Variants in NUP210 observed in about 807,000 individuals in gnomAD.
NUP210 encodes nucleoporin 210, also known as nuclear pore membrane glycoprotein 210.
Under a neutral mutation model 196.0 loss-of-function variants are expected in NUP210, and 151 were observed. The observed-to-expected ratio is 0.77, with a 90% CI of 0.67 to 0.88. NUP210 has a LOEUF of 0.88. Ranked by LOEUF, NUP210 falls within the 40% of genes least tolerant of loss-of-function variation. NUP210 has a pLI of 0.00. For synonymous variants in NUP210, 1,070 were observed against 1,052.7 expected (o/e 1.02, Z -0.32); for missense variants, 2,314 against 2,493.7 (o/e 0.93, Z 1.53).
chr3:13,330,598 A>G lies in NUP210; in HGVS notation c.3972T>C (p.Asp1324=), dbSNP rs769177604. ...GAASLSYRVL[D]GPEKVPVVHV... ...GCACAACTGGAACCTTTTCGGGTCCATCCAGGACGCGGTAGCTCAGAGAGG... is the reference window on the plus strand; with the variant it reads ...GCACAACTGGAACCTTTTCGGGTCCGTCCAGGACGCGGTAGCTCAGAGAGG... The change falls in exon 30 of 40, where the codon GAT becomes GAC. Residue 1324 remains aspartate, a synonymous_variant. Transcript: ENST00000254508. 2 of 1,614,206 alleles carry G rather than the reference A, an allele frequency of 1.2e-6. No individual in the cohort carries two copies. Among genetic ancestry groups the G allele is most frequent in the East Asian group, 2.2e-5 (1 of 44,882 alleles).
rs1699270787 is a variant in NUP210 at position 13,386,281 on chromosome 3, T to G, written c.811A>C (p.Ile271Leu). ...YKVQKIRQGK[I>L]TELSMPSDQY... ...GGCAGAGCCAATGACACACCTGTAA[T>G]TTTCCCTTGCCTGATCTTCTGCACC... The change falls in exon 6 of 40, where the codon ATT becomes CTT. Residue 271 changes from isoleucine to leucine, a missense_variant. Physicochemically the swap from Ile to Leu is conservative, Grantham distance 5. Coordinates refer to ENST00000254508, the MANE Select transcript of NUP210 (RefSeq NM_024923.4). 6.2e-7 allele frequency: 1 copy of G among 1,612,824 alleles called. No individual in the cohort carries two copies. The highest frequency in any genetic ancestry group is 1.7e-5 in the Admixed American group (1 of 59,796).
intron 1 of NUP210, among the ~76,000 whole-genome samples, chr3:13,416,090 C>T (rs1000339801): frequency 1.3e-5 from 2 of 152,154 alleles, no homozygotes; most frequent in African/African-American, 4.8e-5. Flanking sequence ...CCCTCCCTGG[C>T]CCTGAAAGGA....
chr3:13,328,874 C>T lies in NUP210; in HGVS notation c.4183G>A (p.Ala1395Thr), dbSNP rs755549293. The part of the protein sequence containing the change: ...LHTQNKEALV[A>T]VPLGMTVTFT... The stretch of plus-strand genomic sequence containing the variant: ...GTCACGGTCATTCCCAAAGGCACGG[C>T]CACCAGGGCCTCCTTGTTCTGGGTG... Residue 1395 changes from alanine to threonine, a missense_variant, in exon 31 of 40, where the codon GCC becomes ACC. Physicochemically the swap from Ala to Thr is moderately conservative, Grantham distance 58. Coordinates refer to ENST00000254508, the MANE Select transcript of NUP210 (RefSeq NM_024923.4). The T allele has an allele frequency of 5.1e-5, 82 of 1,614,140 alleles. 1 individual carries two copies. In the South Asian group the frequency reaches 6.3e-4, roughly 12 times the overall value.
intron 1 of NUP210, among the ~76,000 whole-genome samples, chr3:13,414,986 C>T (rs1700298413): frequency 6.6e-6 from 1 of 152,172 alleles, no homozygotes; most frequent in South Asian, 2.1e-4. Context: ...GCCTGTAATC[C>T]CAGCACTTTG....
chr3:13,406,855 C>A (rs558007688), intron 1 of NUP210, among the ~76,000 whole-genome samples: 1 of 151,020 alleles, frequency 6.6e-6, no homozygotes, highest in Admixed American at 6.6e-5. Context: ...CCACCCCCCA[C>A]ACGGCACACA....
Position 13,397,434 on chromosome 3 carries a change from T to C in NUP210, c.359A>G (p.Gln120Arg), listed in dbSNP as rs1287106803. 1 of 1,612,956 alleles carries C rather than the reference T, an allele frequency of 6.2e-7. No individual in the cohort carries two copies. Among genetic ancestry groups the C allele is most frequent in the Non-Finnish European group, 8.5e-7 (1 of 1,179,552 alleles). ...GAGCTCGCGGGTGGTGGAGACGATCTGGATGTCATGGATGAGGTCCACAAT... is the reference window on the plus strand; with the variant it reads ...GAGCTCGCGGGTGGTGGAGACGATCCGGATGTCATGGATGAGGTCCACAAT... ...DAIVDLIHDI[Q>R]IVSTTRELYL... Residue 120 changes from glutamine (Q) to arginine (R), a missense_variant, in exon 3 of 40, where the codon CAG (glutamine) becomes CGG (arginine). Physicochemically the swap from Gln to Arg is conservative, Grantham distance 43. Transcript: ENST00000254508.
rs1454302875 is a variant in NUP210, at chr3:13,350,019, C to A, written c.2835+1860G>T. 6.6e-6 allele frequency among the ~76,000 whole-genome samples: 1 copy of A among 152,146 alleles called. No homozygotes were observed. Among genetic ancestry groups the A allele is most frequent in the African/African-American group, 2.4e-5 (1 of 41,416 alleles). ...CAGGGAATTACTGAAGACAGTGGAG[C>A]AATCAGCCTCAATTAGTGCAGCTCA... On this transcript the variant is annotated intron_variant, in intron 20 of 39. Transcript: ENST00000254508. This position sits in a 1 kb window ranked among gnomAD's most constrained non-coding sequence, Gnocchi z 4.1.
chr3:13,383,601 A>G (rs1279076130), intron 6 of NUP210, among the ~76,000 whole-genome samples: 1 of 136,258 alleles, frequency 7.3e-6, no homozygotes, highest in African/African-American at 2.9e-5. Flanking sequence ...CAGCTACTGC[A>G]ACATCCTCTG....
chr3:13,368,869 G>A (rs1698630028), intron 13 of NUP210, among the ~76,000 whole-genome samples: 1 of 152,112 alleles, frequency 6.6e-6, no homozygotes, highest in African/African-American at 2.4e-5. Flanking sequence ...TTTGGCTATT[G>A]TGAATAACAC....
chr3:13,354,141 C>G lies in NUP210; in HGVS notation c.2329-34G>C, dbSNP rs1438557553. 4 of 1,544,120 alleles carry G rather than the reference C, an allele frequency of 2.6e-6. No individual in the cohort carries two copies. The African/African-American group carries it at 4.1e-5, about 16-fold the overall frequency. The stretch of plus-strand genomic sequence containing the variant: ...AACACAGGTCAGATGTTGTGGTCAC[C>G]CCCAGGACTGGACCTGGACACTGAC... On this transcript the variant is annotated intron_variant, in intron 16 of 39. Transcript: ENST00000254508.
Position 13,420,127 on chromosome 3 carries a change from G to C in NUP210, c.100C>G (p.Leu34Val). 1 of 1,364,208 alleles carries C rather than the reference G, an allele frequency of 7.3e-7. No homozygotes were observed. The highest frequency in any genetic ancestry group is 1.5e-5 in the South Asian group (1 of 64,976). 84.5% of individuals were successfully genotyped at this position (1,364,208 alleles called of 1,614,324 possible). A position where few individuals can be genotyped will look rare whatever the true frequency, so the allele number is the denominator to read the frequency against. ...AAAKLNIPKV[L>V]LPFTRATRVN... Reference sequence around the variant, plus strand: ...CGCGTGGCCCGCGTGAAGGGCAGCAGCACTTTGGGGATGTTGAGCTTGGCC... The same window carrying C: ...CGCGTGGCCCGCGTGAAGGGCAGCACCACTTTGGGGATGTTGAGCTTGGCC... The change falls in exon 1 of 40, where the codon CTG (leucine) becomes GTG (valine). Residue 34 changes from leucine (L) to valine (V), a missense_variant. Transcript: ENST00000254508. The surrounding 1 kb of genome is among the most constrained non-coding windows in gnomAD (Gnocchi z 4.8).
At chr3:13,358,132 C>T in intron 16 of NUP210, 90 bp downstream of exon 16, 1 of 1,205,550 alleles carries the variant, frequency 8.3e-7, no homozygotes. Flanking sequence ...ATGTCCGTTG[C>T]AATGCTCGGG....
intron 13 of NUP210, 103 bp downstream of exon 13, chr3:13,371,731 T>G: frequency 9.5e-7 from 1 of 1,057,032 alleles, no homozygotes; most frequent in Non-Finnish European, 1.4e-6. Context: ...GCCCCTCTGC[T>G]GCCTCAAGCC....
intron 6 of NUP210, among the ~76,000 whole-genome samples, chr3:13,383,894 C>T (rs984524964): frequency 1.3e-5 from 2 of 152,098 alleles, no homozygotes; most frequent in African/African-American, 2.4e-5. Flanking sequence ...CCAGCTGGGG[C>T]AGTTTCATGC....
intron 3 of NUP210, among the ~76,000 whole-genome samples, chr3:13,395,204 G>A (rs1304926624): frequency 1.3e-5 from 2 of 152,148 alleles, no homozygotes; most frequent in Admixed American, 6.5e-5. Context: ...CCCCAATCCC[G>A]ACATCCCCAC....
intron 18 of NUP210, among the ~76,000 whole-genome samples, chr3:13,353,350 T>C (rs1325032228): frequency 6.6e-6 from 1 of 152,092 alleles, no homozygotes; most frequent in Non-Finnish European, 1.5e-5. Context: ...GAGAAGCCCT[T>C]CCCATTCCCA....
In NUP210 at chr3:13,317,266, A is replaced by T. The variant is rs1351904409; in HGVS notation, c.*415T>A. The T allele has an allele frequency of 4.9e-6, 1 of 202,918 alleles. No individual in the cohort carries two copies. Among genetic ancestry groups the T allele is most frequent in the Non-Finnish European group, 1.0e-5 (1 of 98,922 alleles). 12.6% of individuals were successfully genotyped at this position (202,918 alleles called of 1,614,324 possible). On this transcript the variant is annotated 3_prime_UTR_variant, in exon 40 of 40. Transcript: ENST00000254508. ...ACCAAAAACCCCCTAAAGTAACTGG[A>T]CAATCCTTTCCCTGAGACCACTACA...
intron 13 of NUP210, among the ~76,000 whole-genome samples, chr3:13,366,314 T>G (rs528459087): frequency 6.6e-6 from 1 of 151,736 alleles, no homozygotes; most frequent in African/African-American, 2.4e-5. Context: ...TTTTTTTTAA[T>G]AGAGACGGGG....
chr3:13,408,518 C>A (rs1700067097), intron 1 of NUP210, among the ~76,000 whole-genome samples: 1 of 152,106 alleles, frequency 6.6e-6, no homozygotes, highest in South Asian at 2.1e-4. Context: ...GGCCAGGTGC[C>A]ATGGCTCATG....
Sources: gnomAD v4.1 joint callset for allele counts (sites outside exome capture counted in the v4.1 genomes callset) on GRCh38, gnomAD v4.1.1 for gene constraint, Gnocchi (gnomAD v3.1) non-coding constraint, MANE v1.5 for transcripts, NCBI Gene and HGNC (gene_info 2026-07-23, HGNC 2026-07-21) for gene names.